The following AKAP6 variants were observed in gnomAD, a reference collection of about 807,000 sequenced individuals.
AKAP6 encodes A-kinase anchor protein 6.
A neutral mutation model predicts 188.5 loss-of-function variants in AKAP6; 58 were observed. The observed-to-expected ratio is 0.31, with a 90% CI of 0.25 to 0.38. AKAP6 has a LOEUF of 0.38. Among genes scored for constraint, AKAP6 ranks in the 10% least tolerant of loss-of-function variants. The pLI is 1.00. For missense variants in AKAP6, 2,710 were observed against 2,740.0 expected (o/e 0.99, Z 0.24); for synonymous variants, 989 against 998.6 (o/e 0.99, Z 0.18).
chr14:32,344,935 A>AG (rs1221200561), intron 1 of AKAP6, among the ~76,000 whole-genome samples: 1 of 151,188 alleles, frequency 6.6e-6, no homozygotes, highest in Non-Finnish European at 1.5e-5. Flanking sequence ...AAAAAAAAAA[A>AG]AAGAGAGAGA....
intron 2 of AKAP6, among the ~76,000 whole-genome samples, chr14:32,526,629 C>A (rs1882144553): frequency 6.6e-6 from 1 of 152,198 alleles, no homozygotes; most frequent in African/African-American, 2.4e-5. Flanking sequence ...GTCCTTCGAC[C>A]TTGGCCTCCC....
intron 1 of AKAP6, among the ~76,000 whole-genome samples, chr14:32,377,498 T>C (rs1888195448): frequency 6.6e-6 from 1 of 152,226 alleles, no homozygotes; most frequent in South Asian, 2.1e-4. Context: ...AATGTGCATA[T>C]ATGTACGTGC....
At chr14:32,411,800 T>TC (rs1889493904) in intron 1 of AKAP6, among the ~76,000 whole-genome samples, 1 of 151,786 alleles carries the variant, frequency 6.6e-6, no homozygotes, top group African/African-American at 2.4e-5. Flanking sequence ...TACTCTTTTT[T>TC]TTTTTTTTAA....
chr14:32,679,460 C>T (rs1215582804), intron 8 of AKAP6, among the ~76,000 whole-genome samples: 1 of 152,140 alleles, frequency 6.6e-6, no homozygotes, highest in African/African-American at 2.4e-5. Context: ...TGGGATGTAA[C>T]TCTAGCCAAA....
At chr14:32,353,440 A>T (rs1887361812) in intron 1 of AKAP6, among the ~76,000 whole-genome samples, 1 of 152,154 alleles carries the variant, frequency 6.6e-6, no homozygotes, top group South Asian at 2.1e-4. Flanking sequence ...GGGCGCCTGT[A>T]GTCCCAGCTA....
At chr14:32,390,279 A>G (rs1216119618) in intron 1 of AKAP6, among the ~76,000 whole-genome samples, 1 of 151,910 alleles carries the variant, frequency 6.6e-6, no homozygotes, top group African/African-American at 2.4e-5. Flanking sequence ...ATTTCCTTAC[A>G]TTGGGCTTCA....
At chr14:32,373,256 T>A (rs1289410354) in intron 1 of AKAP6, 2 of 151,824 alleles carry the variant, frequency 1.3e-5, no homozygotes, top group African/African-American at 4.8e-5. Flanking sequence ...CTCAAATCAG[T>A]CTCCCTGAGC....
intron 1 of AKAP6, among the ~76,000 whole-genome samples, chr14:32,331,180 T>C (rs1403177016): frequency 6.6e-6 from 1 of 152,076 alleles, no homozygotes; most frequent in Non-Finnish European, 1.5e-5. Context: ...AAGACTTGTT[T>C]GGTAACATGA....
At chr14:32,758,541 C>T (rs2032424600) in intron 11 of AKAP6, among the ~76,000 whole-genome samples, 1 of 152,160 alleles carries the variant, frequency 6.6e-6, no homozygotes, top group African/African-American at 2.4e-5. Context: ...TGAGATCAGC[C>T]TGACCAACAT....
intron 1 of AKAP6, among the ~76,000 whole-genome samples, chr14:32,344,062 G>T (rs1886985517): frequency 6.6e-6 from 1 of 152,198 alleles, no homozygotes; most frequent in African/African-American, 2.4e-5. Context: ...TCCCCAAGGA[G>T]CTGGCCCCTG....
rs186094353 is a variant in AKAP6, at chr14:32,431,118, T to C, written c.-34-2342T>C. On this transcript the variant is annotated intron_variant, in intron 1 of 13. Transcript: ENST00000280979. ...AGACTCCATCTCAAAAAAAAAAAAATTGGAGAAATTGGAATCAGCCTGAGG... is the reference window on the plus strand; with the variant it reads ...AGACTCCATCTCAAAAAAAAAAAAACTGGAGAAATTGGAATCAGCCTGAGG... Among the ~76,000 whole-genome samples, 289 of 145,198 alleles carry C rather than the reference T, an allele frequency of 2.0e-3. 1 individual carries two copies. Among genetic ancestry groups the C allele is most frequent in the African/African-American group, 6.5e-3 (266 of 40,614 alleles).
chr14:32,656,039 A>C (rs1888440279), intron 7 of AKAP6, among the ~76,000 whole-genome samples: 1 of 152,184 alleles, frequency 6.6e-6, no homozygotes, highest in Admixed American at 6.6e-5. Context: ...GTTGACATGA[A>C]ACATAATAAA....
At chr14:32,617,649 A>G (rs561188655) in intron 7 of AKAP6, among the ~76,000 whole-genome samples, 27 of 152,170 alleles carry the variant, frequency 1.8e-4, no homozygotes, top group Non-Finnish European at 3.8e-4. Context: ...GTTTTGAGAC[A>G]GGGTCTTGCT....
chr14:32,492,399 C>CAT (rs375239872), intron 2 of AKAP6, among the ~76,000 whole-genome samples: 4,741 of 128,730 alleles, frequency 0.037, 96 homozygotes, highest in African/African-American at 0.059. Context: ...TGGATACATG[C>CAT]ATATATATAT....
At chr14:32,545,188 T>A (rs1385904385) in intron 3 of AKAP6, 42 bp from the exon 4 acceptor site, 5 of 1,556,226 alleles carry the variant, frequency 3.2e-6, no homozygotes, top group Non-Finnish European at 4.4e-6. Flanking sequence ...ATGTTGTAAT[T>A]GATGTTGCAT....
chr14:32,676,776 A>T (rs1889444696), intron 7 of AKAP6, among the ~76,000 whole-genome samples: 3 of 152,202 alleles, frequency 2.0e-5, no homozygotes, highest in Admixed American at 2.0e-4. Flanking sequence ...TTAAGTACTT[A>T]TAAAAAGCAA....
chr14:32,651,402 G>C (rs552105823), intron 7 of AKAP6, among the ~76,000 whole-genome samples: 11 of 152,296 alleles, frequency 7.2e-5, no homozygotes, highest in African/African-American at 2.4e-4. Context: ...TCTAGGCTAT[G>C]CTATGTAGGG....
intron 9 of AKAP6, among the ~76,000 whole-genome samples, chr14:32,706,373 G>C (rs1357027043): frequency 6.6e-6 from 1 of 152,054 alleles, no homozygotes; most frequent in Non-Finnish European, 1.5e-5. Flanking sequence ...CAATACCCTG[G>C]GCAAGTATTG....
intron 1 of AKAP6, among the ~76,000 whole-genome samples, chr14:32,382,235 C>T (rs1164963165): frequency 6.6e-6 from 1 of 151,898 alleles, no homozygotes; most frequent in South Asian, 2.1e-4. Context: ...GGGAATTTGT[C>T]TCTGGAATTC....
Sources: gnomAD v4.1 joint callset for allele counts (sites outside exome capture counted in the v4.1 genomes callset) on GRCh38, gnomAD v4.1.1 for gene constraint, MANE v1.5 for transcripts, NCBI Gene and HGNC (gene_info 2026-07-23, HGNC 2026-07-21) for gene names.